Variants in RAB3IP observed in about 807,000 individuals in gnomAD.
RAB3IP encodes rab-3A-interacting protein.
Under a neutral mutation model 59.1 loss-of-function variants are expected in RAB3IP, and 36 were observed. That is an observed-to-expected ratio of 0.61 (90% CI 0.47 to 0.80). The LOEUF (loss-of-function observed/expected upper bound fraction) is 0.80. Ranked by LOEUF, RAB3IP falls within the 30% of genes least tolerant of loss-of-function variation. The probability of loss-of-function intolerance (pLI) is 0.00; values close to 1 mark genes in which losing one functional copy is unlikely to be tolerated. For synonymous variants in RAB3IP, 207 were observed against 191.2 expected (o/e 1.08, Z -0.68); for missense variants, 511 against 536.0 (o/e 0.95, Z 0.46).
chr12:69,808,169 A>T (rs934113991), intron 8 of RAB3IP, among the ~76,000 whole-genome samples: 8 of 152,214 alleles, frequency 5.3e-5, no homozygotes, highest in African/African-American at 1.9e-4. Context: ...ATTCAGGAGC[A>T]GGTAGTTCAG....
At chr12:69,814,635 C>T (rs1565937012) in intron 10 of RAB3IP, among the ~76,000 whole-genome samples, 1 of 151,604 alleles carries the variant, frequency 6.6e-6, no homozygotes, top group East Asian at 1.9e-4. Flanking sequence ...TATTCATTGC[C>T]AAACGTACCC....
chr12:69,766,314 G>C (rs1232162306), intron 3 of RAB3IP, among the ~76,000 whole-genome samples: 1 of 151,960 alleles, frequency 6.6e-6, no homozygotes, highest in Non-Finnish European at 1.5e-5. Context: ...TTTCTTTTAT[G>C]TAATCCCATA....
At chr12:69,747,617 A>G (rs1254177474) in intron 1 of RAB3IP, among the ~76,000 whole-genome samples, 1 of 152,212 alleles carries the variant, frequency 6.6e-6, no homozygotes, top group Non-Finnish European at 1.5e-5. Context: ...CTCCATTTTT[A>G]GATGAGAAAT....
intron 8 of RAB3IP, 72 bp from the exon 9 acceptor site, chr12:69,812,706 A>T: frequency 1.0e-6 from 1 of 957,482 alleles, no homozygotes; most frequent in Non-Finnish European, 1.6e-6. Flanking sequence ...CTGAATGAAT[A>T]GGCAACTTGT....
At chr12:69,812,481 G>GA in intron 8 of RAB3IP, 1 of 283,628 alleles carries the variant, frequency 3.5e-6, no homozygotes, top group Non-Finnish European at 6.6e-6. Context: ...TCCTGCAGCT[G>GA]ATTACTGATT....
At chr12:69,740,426 T>C (rs368135127) in intron 1 of RAB3IP, among the ~76,000 whole-genome samples, 12 of 152,382 alleles carry the variant, frequency 7.9e-5, no homozygotes, top group African/African-American at 2.6e-4. Flanking sequence ...TAAACAGTTA[T>C]ACAATTAAGT....
rs186182760 is a variant in RAB3IP, at chr12:69,802,429, G to A, written c.1130+708G>A. On this transcript the variant is annotated intron_variant, in intron 8 of 10. Coordinates refer to ENST00000247833, the MANE Select transcript of RAB3IP (RefSeq NM_022456.5). ...GATAAGACTCCCACATTTCATAGCA[G>A]GGCAGACTTGTTTTCCATCCAGTCC... 7.9e-4 allele frequency among the ~76,000 whole-genome samples: 121 copies of A among 152,278 alleles called. 1 individual carries two copies. Among genetic ancestry groups the A allele is most frequent in the Non-Finnish European group, 1.2e-3 (83 of 68,022 alleles).
chr12:69,793,353 G>GTC (rs969748062), intron 4 of RAB3IP, among the ~76,000 whole-genome samples: 1 of 152,134 alleles, frequency 6.6e-6, no homozygotes, highest in Non-Finnish European at 1.5e-5. Flanking sequence ...GAAACAAACA[G>GTC]TCAAACTCTG....
chr12:69,800,459 TG>T, intron 7 of RAB3IP, 122 bp downstream of exon 7: 1 of 634,478 alleles, frequency 1.6e-6, no homozygotes, highest in Non-Finnish European at 2.4e-6. Context: ...TGTCATGTTT[TG>T]CTATTTTTGC....
intron 8 of RAB3IP, among the ~76,000 whole-genome samples, chr12:69,804,082 C>T (rs541387844): frequency 1.3e-5 from 2 of 152,228 alleles, no homozygotes; most frequent in East Asian, 1.9e-4. Context: ...ACACTGACTT[C>T]CACAATGGTT....
chr12:69,759,116 G>T (rs529880765), intron 3 of RAB3IP, among the ~76,000 whole-genome samples: 5 of 148,600 alleles, frequency 3.4e-5, no homozygotes, highest in Non-Finnish European at 7.5e-5. Context: ...GGTTTTCCTA[G>T]GCAGAGGACC....
chr12:69,780,450 C>A lies in RAB3IP; in HGVS notation c.511-4270C>A, dbSNP rs189135333. 1.6e-3 allele frequency among the ~76,000 whole-genome samples: 250 copies of A among 152,256 alleles called. 1 individual carries two copies. Among genetic ancestry groups the A allele is most frequent in the Middle Eastern group, 3.4e-3 (1 of 294 alleles). On this transcript the variant is annotated intron_variant, in intron 3 of 10. Transcript: ENST00000247833. Reference sequence around the variant, plus strand: ...TGTGGGACAGAGGCTGGCAAACCCACCAGGGTAGCCCAGGCAGGCAAGCTT... The same window carrying A: ...TGTGGGACAGAGGCTGGCAAACCCAACAGGGTAGCCCAGGCAGGCAAGCTT...
At chr12:69,807,480 C>T (rs1240586141) in intron 8 of RAB3IP, among the ~76,000 whole-genome samples, 4 of 145,796 alleles carry the variant, frequency 2.7e-5, no homozygotes, top group East Asian at 2.2e-4. Flanking sequence ...CAGAGGCGCT[C>T]CTCACTTCCC....
chr12:69,806,458 C>G (rs1459289597), intron 8 of RAB3IP, among the ~76,000 whole-genome samples: 2 of 151,162 alleles, frequency 1.3e-5, no homozygotes, highest in African/African-American at 4.9e-5. Flanking sequence ...CTCCTGGATT[C>G]ATTGATTTTT....
At chr12:69,740,384 T>C (rs951561505) in intron 1 of RAB3IP, among the ~76,000 whole-genome samples, 1 of 152,254 alleles carries the variant, frequency 6.6e-6, no homozygotes, top group Non-Finnish European at 1.5e-5. Flanking sequence ...TTATGTGATC[T>C]AATCCTAAAG....
chr12:69,760,392 G>A (rs890474291), intron 3 of RAB3IP, among the ~76,000 whole-genome samples: 4 of 151,630 alleles, frequency 2.6e-5, no homozygotes, highest in African/African-American at 4.8e-5. Context: ...GAGGGAGACC[G>A]TGGGGAGAGG....
rs192883546 is a variant in RAB3IP, at chr12:69,788,413, C to T, written c.606+3598C>T. Among the ~76,000 whole-genome samples, 31 of 152,022 alleles carry T rather than the reference C, an allele frequency of 2.0e-4. No individual in the cohort carries two copies. In the South Asian group the frequency reaches 4.2e-3, roughly 20 times the overall value. On this transcript the variant is annotated intron_variant, in intron 4 of 10. Coordinates refer to ENST00000247833, the MANE Select transcript of RAB3IP (RefSeq NM_022456.5). ...CTTGTGATACAATGGTAAATATTTA[C>T]GTATCTAAACATAGAAAAAGTAAAG...
intron 3 of RAB3IP, among the ~76,000 whole-genome samples, chr12:69,780,883 C>G (rs1226893169): frequency 2.0e-5 from 3 of 151,754 alleles, no homozygotes; most frequent in African/African-American, 7.3e-5. Flanking sequence ...ATTTATATAT[C>G]TTAAAAGTTC....
chr12:69,758,923 A>G (rs1870710723), intron 3 of RAB3IP, among the ~76,000 whole-genome samples: 2 of 151,790 alleles, frequency 1.3e-5, no homozygotes, highest in Admixed American at 6.6e-5. Context: ...ATGAGAAGCC[A>G]GCTGTCAATG....
Sources: gnomAD v4.1 joint callset for allele counts (sites outside exome capture counted in the v4.1 genomes callset) on GRCh38, gnomAD v4.1.1 for gene constraint, MANE v1.5 for transcripts, NCBI Gene and HGNC (gene_info 2026-07-23, HGNC 2026-07-21) for gene names.